Variants in MARK2 observed in about 807,000 individuals in gnomAD.
MARK2 encodes the protein serine/threonine-protein kinase MARK2.
MARK2 carries 16 observed loss-of-function variants against 89.8 expected under a neutral mutation model. The ratio of observed to expected loss-of-function variants is 0.18; its 90% CI spans 0.12 to 0.27. MARK2 has a LOEUF of 0.27. MARK2 is among the 10% of genes least tolerant of loss of function. The pLI is 1.00. For missense variants in MARK2, 621 were observed against 1,049.9 expected (o/e 0.59, Z 5.65); for synonymous variants, 382 against 399.5 (o/e 0.96, Z 0.52).
chr11:63,870,844 G>T (rs1359801539), intron 1 of MARK2, among the ~76,000 whole-genome samples: 1 of 152,156 alleles, frequency 6.6e-6, no homozygotes, highest in African/African-American at 2.4e-5. Flanking sequence ...AGTGTTCCAG[G>T]CAGTGGAAAG....
rs1940748908 is a variant in MARK2 at position 63,900,211 on chromosome 11, G to A, written c.768+101G>A. On this transcript the variant is annotated intron_variant, in intron 8 of 18. Transcript: ENST00000402010. The surrounding 1 kb of genome is among the most constrained non-coding windows in gnomAD (Gnocchi z 4.7). Reference sequence around the variant, plus strand: ...TGCCACCTGTCTACATTTGTCCCAAGCCAAAGCTTCAGAGAAGGGCTTGCT... The same window carrying A: ...TGCCACCTGTCTACATTTGTCCCAAACCAAAGCTTCAGAGAAGGGCTTGCT... 3 of 918,260 alleles carry A rather than the reference G, an allele frequency of 3.3e-6. No homozygotes were observed. The highest frequency in any genetic ancestry group is 2.4e-5 in the East Asian group (1 of 41,500). The allele number at this position is 918,260 out of a possible 1,614,324, so 56.9% of individuals were successfully genotyped here.
In MARK2 at chr11:63,903,670, A is replaced by G. The variant is rs1408883873; in HGVS notation, c.1515-316A>G. ...CTCAGCAACACCCCACTCTTTCTGT[A>G]GAAGAAACTCTCCTGTTCTTAAAAT... On this transcript the variant is annotated intron_variant, in intron 14 of 18. Transcript: ENST00000402010. This position sits in a 1 kb window ranked among gnomAD's most constrained non-coding sequence, Gnocchi z 5.1. Among the ~76,000 whole-genome samples the G allele has an allele frequency of 6.6e-6, 1 of 152,088 alleles. No individual in the cohort carries two copies. Among genetic ancestry groups the G allele is most frequent in the Non-Finnish European group, 1.5e-5 (1 of 68,012 alleles).
At position 63,902,836 on chromosome 11, in the gene MARK2, C is replaced by G. The variant is rs894847538; in HGVS notation, c.1416+54C>G. 4.9e-6 allele frequency: 7 copies of G among 1,417,272 alleles called. No individual in the cohort carries two copies. In the African/African-American group the frequency reaches 9.9e-5, roughly 20 times the overall value. 87.8% of individuals were successfully genotyped at this position (1,417,272 alleles called of 1,614,324 possible). ...CTTCCTGCGGTGGGGCCTGCCCTCT[C>G]CAGGCAGCTCTTCTCTTAATTCAGA... is the stretch of plus-strand genomic sequence containing the variant. On this transcript the variant is annotated intron_variant, in intron 13 of 18. Coordinates refer to ENST00000402010, the MANE Select transcript of MARK2 (RefSeq NM_001039469.3). This position sits in a 1 kb window ranked among gnomAD's most constrained non-coding sequence, Gnocchi z 4.2.
At chr11:63,899,729 T>G in intron 7 of MARK2, 145 bp from the exon 8 acceptor site, 1 of 696,060 alleles carries the variant, frequency 1.4e-6, no homozygotes, top group South Asian at 1.7e-5. Flanking sequence ...TCACGCTGAT[T>G]GAAGCCCTGC....
chr11:63,878,410 G>A (rs1938901649), intron 1 of MARK2, among the ~76,000 whole-genome samples: 1 of 120,456 alleles, frequency 8.3e-6, no homozygotes, highest in African/African-American at 3.2e-5. Flanking sequence ...TCGCTCTGTC[G>A]CCTAGGCTGG....
At chr11:63,863,251 G>A (rs1937915914) in intron 1 of MARK2, among the ~76,000 whole-genome samples, 1 of 152,060 alleles carries the variant, frequency 6.6e-6, no homozygotes, top group Non-Finnish European at 1.5e-5. Context: ...CTAGCTATGG[G>A]GACTAGGCAT....
chr11:63,856,497 A>G (rs1191254647), intron 1 of MARK2, among the ~76,000 whole-genome samples: 1 of 150,674 alleles, frequency 6.6e-6, no homozygotes, highest in Non-Finnish European at 1.5e-5. Flanking sequence ...ATCTCAGCTC[A>G]TTGCAGCCTT....
At position 63,900,933 on chromosome 11, in the gene MARK2, T is replaced by C. The variant is rs936615538; in HGVS notation, c.989-24T>C. The C allele has an allele frequency of 1.2e-6, 2 of 1,611,652 alleles. No individual in the cohort carries two copies. Among genetic ancestry groups the C allele is most frequent in the African/African-American group, 2.7e-5 (2 of 74,864 alleles). The stretch of plus-strand genomic sequence containing the variant: ...GCTTGCCTAGGAGTTGAGGCCAGTC[T>C]TAACTGTATGTCCCCCTGTGCAGAG... On this transcript the variant is annotated intron_variant, in intron 10 of 18. Transcript: ENST00000402010. This position sits in a 1 kb window ranked among gnomAD's most constrained non-coding sequence, Gnocchi z 4.7.
At chr11:63,889,603 C>T (rs1939670507) in intron 1 of MARK2, among the ~76,000 whole-genome samples, 1 of 152,376 alleles carries the variant, frequency 6.6e-6, no homozygotes, top group South Asian at 2.1e-4. Context: ...GCGGAAGGGG[C>T]CTGACAGGCC....
chr11:63,897,611 C>G (rs1214261158), intron 3 of MARK2, among the ~76,000 whole-genome samples: 1 of 152,222 alleles, frequency 6.6e-6, no homozygotes, highest in Non-Finnish European at 1.5e-5. Context: ...TGTCATCTTT[C>G]TTTATGGAAA....
intron 1 of MARK2, among the ~76,000 whole-genome samples, chr11:63,861,544 T>C (rs559245617): frequency 6.6e-6 from 1 of 152,330 alleles, no homozygotes; most frequent in Admixed American, 6.5e-5. Context: ...ATTAATCTGG[T>C]CCAAGTCATT....
intron 1 of MARK2, among the ~76,000 whole-genome samples, chr11:63,841,187 G>T (rs1001489416): frequency 1.1e-4 from 16 of 152,032 alleles, no homozygotes; most frequent in Admixed American, 5.2e-4. Flanking sequence ...GTATTCTCTT[G>T]CATGTGAACA....
intron 1 of MARK2, among the ~76,000 whole-genome samples, chr11:63,888,277 G>A (rs867066470): frequency 2.0e-5 from 3 of 152,104 alleles, no homozygotes; most frequent in Admixed American, 6.5e-5. Flanking sequence ...TGGCAGGGCC[G>A]CCACTCTGGG....
Position 63,900,874 on chromosome 11 carries a change from G to A in MARK2, c.983G>A (p.Arg328Gln), listed in dbSNP as rs146234903. The A allele has an allele frequency of 1.1e-5, 17 of 1,613,964 alleles. No individual in the cohort carries two copies. The highest frequency in any genetic ancestry group is 1.3e-5 in the African/African-American group (1 of 74,926). ...CTCCCTGACTACAAGGACCCCCGGC[G>A]GACAGGTGAGGCTGTGCCGGGCTGT... ...EPLPDYKDPR[R>Q]TELMVSMGYT... is the part of the protein sequence containing the mutation. Residue 328 changes from arginine to glutamine, a missense_variant, in exon 10 of 19, where the codon CGG becomes CAG. Physicochemically the swap from Arg to Gln is conservative, Grantham distance 43 (BLOSUM62 1). Coordinates refer to ENST00000402010, the MANE Select transcript of MARK2 (RefSeq NM_001039469.3). This position sits in a 1 kb window ranked among gnomAD's most constrained non-coding sequence, Gnocchi z 4.7.
At chr11:63,908,236 C>T (rs1286850436) in intron 17 of MARK2, 24 bp from the exon 18 acceptor site, 9 of 1,552,674 alleles carry the variant, frequency 5.8e-6, no homozygotes, top group Non-Finnish European at 7.8e-6. Context: ...CAGCACTAAA[C>T]TCTCCCTCGC....
At position 63,895,265 on chromosome 11, in the gene MARK2, G is replaced by A. The variant is rs1940279054; in HGVS notation, c.161G>A (p.Arg54Gln). ...GAGCAGCCCCACATTGGAAACTACCGGCTCCTCAAGACCATTGGCAAGGGT... is the reference window on the plus strand; with the variant it reads ...GAGCAGCCCCACATTGGAAACTACCAGCTCCTCAAGACCATTGGCAAGGGT... Reference protein sequence around the residue: ...ADEQPHIGNYRLLKTIGKGNF... With the variant: ...ADEQPHIGNYQLLKTIGKGNF... The change falls in exon 2 of 19, where the codon CGG becomes CAG. Residue 54 changes from arginine (R) to glutamine (Q), a missense_variant. Around this residue, in one of 5 missense-constraint regions of MARK2, gnomAD observed 60 missense variants for 73.2 expected, o/e 0.82. Coordinates refer to ENST00000402010, the MANE Select transcript of MARK2 (RefSeq NM_001039469.3). The A allele has an allele frequency of 4.3e-6, 7 of 1,613,984 alleles. No individual in the cohort carries two copies. The highest frequency in any genetic ancestry group is 1.7e-5 in the Admixed American group (1 of 59,986).
chr11:63,850,315 A>ATTTTTTTTT (rs34074167), intron 1 of MARK2, among the ~76,000 whole-genome samples: 794 of 95,746 alleles, frequency 8.3e-3, no homozygotes, highest in African/African-American at 0.02. Flanking sequence ...TACCTGGCTA[A>ATTTTTTTTT]TTTTTTTTTT....
rs542759264 is a variant in MARK2, at chr11:63,887,206, C to T, written c.55-7953C>T. 4.6e-5 allele frequency among the ~76,000 whole-genome samples: 7 copies of T among 152,280 alleles called. No homozygotes were observed. In the East Asian group the frequency reaches 5.8e-4, roughly 13 times the overall value. ...TTATCTTTTGGGGGAAATGAGAGCACGATTAGGCATCAAGAAGGGTTGATG... is the reference window on the plus strand; with the variant it reads ...TTATCTTTTGGGGGAAATGAGAGCATGATTAGGCATCAAGAAGGGTTGATG... On this transcript the variant is annotated intron_variant, in intron 1 of 18. Coordinates refer to ENST00000402010, the MANE Select transcript of MARK2 (RefSeq NM_001039469.3).
rs1319013166 is a variant in MARK2 at position 63,910,723 on chromosome 11, A to AT, written c.*1488dup. On this transcript the variant is annotated 3_prime_UTR_variant, in exon 19 of 19. Transcript: ENST00000402010. The stretch of plus-strand genomic sequence containing the variant: ...CCCCGCTCCCAGGCCAGGCTCAGCG[A>AT]TTAAGCCGAGCCCTTGCGTCCTAGG... The AT allele has an allele frequency of 6.7e-6, 1 of 149,064 alleles. No individual in the cohort carries two copies. Among genetic ancestry groups the AT allele is most frequent in the Non-Finnish European group, 1.5e-5 (1 of 67,654 alleles). The allele number at this position is 149,064 out of a possible 1,614,324, so 9.2% of individuals were successfully genotyped here. A position where few individuals can be genotyped will look rare whatever the true frequency, so the allele number is the denominator to read the frequency against.
Sources: allele counts gnomAD v4.1 joint callset (sites outside exome capture counted in the v4.1 genomes callset), GRCh38; gene constraint gnomAD v4.1.1; regional missense constraint gnomAD v4.1.1; non-coding constraint Gnocchi (gnomAD v3.1); transcripts MANE v1.5; gene names NCBI Gene and HGNC (gene_info 2026-07-23, HGNC 2026-07-21).